PLCG2: variants seen among roughly 807,000 people sequenced by gnomAD.
PLCG2 encodes the protein phospholipase C gamma 2, also known as 1-phosphatidylinositol 4,5-bisphosphate phosphodiesterase gamma-2.
PLCG2 carries 69 observed loss-of-function variants against 175.6 expected under a neutral mutation model. The observed-to-expected ratio is 0.39, with a 90% confidence interval of 0.32 to 0.48. The LOEUF (loss-of-function observed/expected upper bound fraction) is 0.48. Among genes scored for constraint, PLCG2 ranks in the 20% least tolerant of loss-of-function variants. The pLI, the probability that PLCG2 is intolerant of heterozygous loss-of-function variation, is 0.91. For missense variants in PLCG2, 1,798 were observed against 1,650.9 expected (o/e 1.09, Z -1.54); for synonymous variants, 827 against 624.0 (o/e 1.33, Z -4.85).
At chr16:81,783,073 C>T (rs1246880503) in intron 1 of PLCG2, 7 of 463,256 alleles carry the variant, frequency 1.5e-5, no homozygotes, top group Admixed American at 1.2e-4. Flanking sequence ...CAAGGCCCTC[C>T]CAGAGTGAGG....
intron 9 of PLCG2, among the ~76,000 whole-genome samples, chr16:81,885,145 G>C (rs1186681799): frequency 2.0e-5 from 3 of 151,642 alleles, no homozygotes; most frequent in Non-Finnish European, 2.9e-5. Flanking sequence ...TCCTGCCTCA[G>C]CCTCCCAAGT....
intron 2 of PLCG2, among the ~76,000 whole-genome samples, chr16:81,815,560 CTGT>C (rs1201134224): frequency 6.6e-6 from 1 of 152,212 alleles, no homozygotes; most frequent in Non-Finnish European, 1.5e-5. Context: ...ACTACTCAGC[CTGT>C]TGTTCTGAAG....
rs547963336 is a variant in PLCG2, at chr16:81,890,089, G to A, written c.867+816G>A. On this transcript the variant is annotated intron_variant, in intron 10 of 32. Coordinates refer to ENST00000564138, the MANE Select transcript of PLCG2 (RefSeq NM_002661.5). ...GGCCACAGGACCAGTGGGCGGTCCAGGTAGAGCCATGCGAACGCCCGAAAA... is the reference window on the plus strand; with the variant it reads ...GGCCACAGGACCAGTGGGCGGTCCAAGTAGAGCCATGCGAACGCCCGAAAA... 1.1e-4 allele frequency among the ~76,000 whole-genome samples: 16 copies of A among 152,292 alleles called. No individual in the cohort carries two copies. The South Asian group carries it at 2.5e-3, about 24-fold the overall frequency.
intron 5 of PLCG2, among the ~76,000 whole-genome samples, chr16:81,860,115 G>C (rs11642412): frequency 0.41 from 60,848 of 149,214 alleles, 12,963 homozygotes; most frequent in Middle Eastern, 0.49. Flanking sequence ...GGAACTACAG[G>C]TGTGTTTCAC....
chr16:81,822,585 C>T (rs1373444726), intron 2 of PLCG2, among the ~76,000 whole-genome samples: 1 of 151,846 alleles, frequency 6.6e-6, no homozygotes, highest in Non-Finnish European at 1.5e-5. Flanking sequence ...GGCGAAACCC[C>T]GTCTCCACTA....
At chr16:81,892,317 C>T (rs888453176) in intron 11 of PLCG2, among the ~76,000 whole-genome samples, 1 of 152,084 alleles carries the variant, frequency 6.6e-6, no homozygotes, top group African/African-American at 2.4e-5. Context: ...ACAGGGGGCT[C>T]TTGGGATGGT....
chr16:81,774,147 C>T (rs1910345240), intron 2 of PLCG2, among the ~76,000 whole-genome samples: 1 of 118,630 alleles, frequency 8.4e-6, no homozygotes, highest in African/African-American at 3.3e-5. Context: ...GCCTGGGTAA[C>T]ACGGTGAAAT....
At chr16:81,927,210 A>AG (rs1567536206) in intron 23 of PLCG2, 32 bp downstream of exon 23, 1 of 1,448,150 alleles carries the variant, frequency 6.9e-7, no homozygotes, top group East Asian at 2.3e-5. Context: ...TCTTACAGGA[A>AG]GAAGGGATCT....
chr16:81,824,343 A>T (rs972630392), intron 2 of PLCG2, among the ~76,000 whole-genome samples: 10 of 152,170 alleles, frequency 6.6e-5, no homozygotes, highest in African/African-American at 2.4e-4. Flanking sequence ...CACGTTGGCC[A>T]GGCTGGTCTT....
chr16:81,886,591 G>C (rs1310651774), intron 9 of PLCG2, among the ~76,000 whole-genome samples: 1 of 152,194 alleles, frequency 6.6e-6, no homozygotes, highest in East Asian at 1.9e-4. Context: ...GGTTAAGTAC[G>C]CCATAGTACA....
chr16:81,788,717 T>C (rs1911094408), intron 2 of PLCG2, among the ~76,000 whole-genome samples: 1 of 152,222 alleles, frequency 6.6e-6, no homozygotes, highest in Non-Finnish European at 1.5e-5. Context: ...CAAACTGCTT[T>C]CTGAAAGGCT....
chr16:81,820,996 A>G (rs1461890430), intron 2 of PLCG2, among the ~76,000 whole-genome samples: 1 of 149,584 alleles, frequency 6.7e-6, no homozygotes, highest in African/African-American at 2.5e-5. Context: ...ACGTCAAATG[A>G]TCCGCCCACC....
At chr16:81,802,149 T>G (rs997313132) in intron 2 of PLCG2, among the ~76,000 whole-genome samples, 1 of 125,568 alleles carries the variant, frequency 8.0e-6, no homozygotes, top group Non-Finnish European at 1.6e-5. Flanking sequence ...ATCTCGCTCT[T>G]TCGCCCAGGC....
intron 2 of PLCG2, among the ~76,000 whole-genome samples, chr16:81,818,068 C>G (rs139280368): frequency 6.6e-6 from 1 of 152,194 alleles, no homozygotes; most frequent in African/African-American, 2.4e-5. Flanking sequence ...TCCTCTCTGT[C>G]GGCTCGTGTC....
intron 2 of PLCG2, among the ~76,000 whole-genome samples, chr16:81,836,630 C>A (rs1255722561): frequency 6.6e-6 from 1 of 152,112 alleles, no homozygotes; most frequent in East Asian, 1.9e-4. Context: ...GGTCCCAGCT[C>A]CTTAGGAGAC....
At chr16:81,752,395 C>T (rs1198297496) in intron 1 of PLCG2, among the ~76,000 whole-genome samples, 1 of 152,184 alleles carries the variant, frequency 6.6e-6, no homozygotes, top group East Asian at 1.9e-4. Flanking sequence ...GACACGTCCT[C>T]TTTTAAGGCT....
At chr16:81,766,486 TC>T (rs2143099079) in intron 2 of PLCG2, among the ~76,000 whole-genome samples, 1 of 150,738 alleles carries the variant, frequency 6.6e-6, no homozygotes, top group Non-Finnish European at 1.5e-5. Flanking sequence ...CTCCTCTTCC[TC>T]CTCCTCCTCC....
At chr16:81,834,889 G>C (rs1173763387) in intron 2 of PLCG2, among the ~76,000 whole-genome samples, 1 of 152,186 alleles carries the variant, frequency 6.6e-6, no homozygotes, top group Non-Finnish European at 1.5e-5. Context: ...GGGTGGATGG[G>C]GAGGCAGCCT....
At chr16:81,940,749 C>T (rs1175664115) in intron 30 of PLCG2, among the ~76,000 whole-genome samples, 1 of 152,110 alleles carries the variant, frequency 6.6e-6, no homozygotes, top group Non-Finnish European at 1.5e-5. Context: ...GATTTGGGAC[C>T]CTGCTGCTTC....
Sources: gnomAD v4.1 joint callset for allele counts (sites outside exome capture counted in the v4.1 genomes callset) on GRCh38, gnomAD v4.1.1 for gene constraint, MANE v1.5 for transcripts, NCBI Gene and HGNC (gene_info 2026-07-23, HGNC 2026-07-21) for gene names.